FOXP2: variants seen among roughly 807,000 people sequenced by gnomAD.
The protein encoded by FOXP2 is forkhead box P2.
Under a neutral mutation model 115.8 loss-of-function variants are expected in FOXP2, and 12 were observed. That is an observed-to-expected ratio of 0.10 (90% CI 0.07 to 0.17). The LOEUF is 0.17. Among genes scored for constraint, FOXP2 ranks in the 10% least tolerant of loss-of-function variants. The pLI is 1.00. For missense variants in FOXP2, 629 were observed against 843.5 expected, an observed-to-expected ratio of 0.75 and a Z score of 3.15; for synonymous variants, 328 against 297.7, an observed-to-expected ratio of 1.10 and a Z score of -1.05.
At chr7:114,638,839 A>G (rs139443146) in intron 6 of FOXP2, among the ~76,000 whole-genome samples, 25 of 151,320 alleles carry the variant, frequency 1.7e-4, no homozygotes, top group African/African-American at 6.0e-4. Context: ...GACTTCTTTT[A>G]TTCTCTGCCT....
chr7:114,684,569 G>A (rs768606055), intron 16 of FOXP2, among the ~76,000 whole-genome samples: 2 of 152,106 alleles, frequency 1.3e-5, no homozygotes, highest in Non-Finnish European at 2.9e-5. Context: ...TTGAATATTC[G>A]CAGGTCATTT....
rs869055954 is a variant in FOXP2 at position 114,642,779 on chromosome 7, A to AATATATATATAT, written c.989+179_989+190dup. ...AGATTATTTATCTTATTTTATATAT[A>AATATATATATAT]ATATATATATATATATATATATATA... On this transcript the variant is annotated intron_variant, in intron 7 of 16. Transcript: ENST00000350908. Among the ~76,000 whole-genome samples, 64 of 91,138 alleles carry AATATATATATAT rather than the reference A, an allele frequency of 7.0e-4. No homozygotes were observed. The East Asian group carries it at 0.015, about 21-fold the overall frequency. The allele number at this position is 91,138 out of a possible 152,430, so 59.8% of individuals were successfully genotyped here.
intron 1 of FOXP2, among the ~76,000 whole-genome samples, chr7:114,220,674 A>G (rs1794598510): frequency 6.6e-6 from 1 of 152,160 alleles, no homozygotes; most frequent in South Asian, 2.1e-4. Flanking sequence ...ACGGCATGTC[A>G]GACTTTCCTA....
intron 3 of FOXP2, among the ~76,000 whole-genome samples, chr7:114,567,270 C>T (rs1028066068): frequency 6.6e-6 from 1 of 152,030 alleles, no homozygotes; most frequent in Admixed American, 6.6e-5. Context: ...TGGGTATCAG[C>T]ACTGTTCTAA....
rs188425973 is a variant in FOXP2, at chr7:114,552,509, A to T, written c.258+17803A>T. Among the ~76,000 whole-genome samples the T allele has an allele frequency of 2.8e-3, 421 of 152,316 alleles. 2 individuals are homozygous for T. The highest frequency in any genetic ancestry group is 4.0e-3 in the Non-Finnish European group (275 of 68,014). Reference sequence around the variant, plus strand: ...AAAAAATTATCCTTTTTTATGTGTTATATGCCAAAAGTTTTAACTTTGATA... The same window carrying T: ...AAAAAATTATCCTTTTTTATGTGTTTTATGCCAAAAGTTTTAACTTTGATA... On this transcript the variant is annotated intron_variant, in intron 3 of 16. Transcript: ENST00000350908.
At chr7:114,554,312 G>A (rs1294208361) in intron 3 of FOXP2, among the ~76,000 whole-genome samples, 1 of 152,076 alleles carries the variant, frequency 6.6e-6, no homozygotes, top group Non-Finnish European at 1.5e-5. Flanking sequence ...AACAGATTAT[G>A]CAAATACTCA....
intron 2 of FOXP2, among the ~76,000 whole-genome samples, chr7:114,403,590 G>T (rs1792946454): frequency 6.6e-6 from 1 of 152,066 alleles, no homozygotes; most frequent in Admixed American, 6.5e-5. Context: ...TGTGTTCTGT[G>T]GAATAGTCTA....
rs569696941 is a variant in FOXP2, at chr7:114,466,300, C to G, written c.168+39621C>G. On this transcript the variant is annotated intron_variant, in intron 2 of 16. Coordinates refer to ENST00000350908, the MANE Select transcript of FOXP2 (RefSeq NM_014491.4). ...TTATTCTCATTACTGAAATTTCTAC[C>G]CCAGAGACTTCAGTCCCCAGGATTT... 3.3e-5 allele frequency among the ~76,000 whole-genome samples: 5 copies of G among 152,222 alleles called. No individual in the cohort carries two copies. The East Asian group carries it at 9.7e-4, about 30-fold the overall frequency.
chr7:114,501,414 G>A (rs910334350), intron 2 of FOXP2, among the ~76,000 whole-genome samples: 2 of 151,970 alleles, frequency 1.3e-5, no homozygotes, highest in Non-Finnish European at 2.9e-5. Context: ...ATAGTGCTGC[G>A]GTTCACTAGC....
At chr7:114,611,971 A>G (rs1460614915) in intron 3 of FOXP2, among the ~76,000 whole-genome samples, 1 of 152,216 alleles carries the variant, frequency 6.6e-6, no homozygotes, top group African/African-American at 2.4e-5. Context: ...AATAAAAATG[A>G]AAAATAATTT....
chr7:114,631,726 A>T (rs914832144), intron 6 of FOXP2, 21 bp downstream of exon 6: 2 of 1,611,464 alleles, frequency 1.2e-6, no homozygotes, highest in African/African-American at 2.7e-5. Flanking sequence ...AATGTTGTGC[A>T]CTCTTCATTT....
chr7:114,171,781 G>A (rs1793147850), intron 1 of FOXP2, among the ~76,000 whole-genome samples: 1 of 152,146 alleles, frequency 6.6e-6, no homozygotes. Context: ...GATGGAACTG[G>A]GCAAAGTCAA....
intron 1 of FOXP2, among the ~76,000 whole-genome samples, chr7:114,150,878 C>T (rs1792511792): frequency 6.6e-6 from 1 of 151,988 alleles, no homozygotes; most frequent in Non-Finnish European, 1.5e-5. Context: ...GGAACTGTGG[C>T]ATTCCCTCAA....
intron 1 of FOXP2, among the ~76,000 whole-genome samples, chr7:114,171,963 G>A (rs1793154339): frequency 6.6e-6 from 1 of 152,074 alleles, no homozygotes; most frequent in Admixed American, 6.5e-5. Flanking sequence ...CCTCAGATGT[G>A]GTAGAAATAG....
intron 1 of FOXP2, among the ~76,000 whole-genome samples, chr7:114,156,146 TC>T (rs147621688): frequency 0.042 from 6,344 of 152,230 alleles, 185 homozygotes; most frequent in East Asian, 0.12. Context: ...TGAGATCTTA[TC>T]CAGAAGCTGC....
At chr7:114,258,041 G>T (rs1307592975) in intron 1 of FOXP2, among the ~76,000 whole-genome samples, 1 of 152,186 alleles carries the variant, frequency 6.6e-6, no homozygotes, top group African/African-American at 2.4e-5. Flanking sequence ...ATAGGAATTT[G>T]GGAAGAGTTT....
intron 2 of FOXP2, among the ~76,000 whole-genome samples, chr7:114,319,009 G>C (rs1332558539): frequency 6.6e-6 from 1 of 152,178 alleles, no homozygotes; most frequent in Non-Finnish European, 1.5e-5. Flanking sequence ...GGAACCCCCA[G>C]TTAAATTGGG....
At chr7:114,405,634 C>A (rs1793017185) in intron 2 of FOXP2, among the ~76,000 whole-genome samples, 1 of 151,700 alleles carries the variant, frequency 6.6e-6, no homozygotes, top group East Asian at 1.9e-4. Flanking sequence ...AATAGTGCTG[C>A]CTACTGGTAA....
At chr7:114,518,408 T>G (rs1798447484) in intron 2 of FOXP2, among the ~76,000 whole-genome samples, 1 of 152,186 alleles carries the variant, frequency 6.6e-6, no homozygotes, top group Non-Finnish European at 1.5e-5. Flanking sequence ...CCAGAAACAA[T>G]GCTTGACAGT....
Sources: gnomAD v4.1 joint callset for allele counts (sites outside exome capture counted in the v4.1 genomes callset) on GRCh38, gnomAD v4.1.1 for gene constraint, MANE v1.5 for transcripts, NCBI Gene and HGNC (gene_info 2026-07-23, HGNC 2026-07-21) for gene names.